Variants in PLCB1 observed in about 807,000 individuals in gnomAD.
PLCB1 encodes phospholipase C beta 1.
A neutral mutation model predicts 161.8 loss-of-function variants in PLCB1; 46 were observed. The ratio of observed to expected loss-of-function variants is 0.28; its 90% CI spans 0.22 to 0.36. The LOEUF is 0.36. PLCB1 is among the 10% of genes least tolerant of loss of function. The pLI is 1.00. For missense variants in PLCB1, 1,016 were observed against 1,472.5 expected, an observed-to-expected ratio of 0.69 and a Z score of 5.07; for synonymous variants, 517 against 503.7, an observed-to-expected ratio of 1.03 and a Z score of -0.35.
chr20:8,441,636 A>G (rs1980565034), intron 3 of PLCB1, among the ~76,000 whole-genome samples: 2 of 152,200 alleles, frequency 1.3e-5, no homozygotes, highest in African/African-American at 4.8e-5. Flanking sequence ...TTGCCTACCA[A>G]TTAACCAGGC....
rs942984778 is a variant in PLCB1, at chr20:8,883,772, G to T, written c.*1923G>T. 4 of 151,470 alleles carry T rather than the reference G, an allele frequency of 2.6e-5. No homozygotes were observed. The highest frequency in any genetic ancestry group is 4.4e-5 in the Non-Finnish European group (3 of 67,740). 9.4% of individuals were successfully genotyped at this position (151,470 alleles called of 1,614,324 possible). A position where few individuals can be genotyped will look rare whatever the true frequency, so the allele number is the denominator to read the frequency against. On this transcript the variant is annotated 3_prime_UTR_variant, in exon 32 of 32. Coordinates refer to ENST00000338037, the MANE Select transcript of PLCB1 (RefSeq NM_015192.4). ...AGATGATTATATTTTGATCTGAAGGGTTTGGGGTGTTCATTAGACACTTAA... is the reference window on the plus strand; with the variant it reads ...AGATGATTATATTTTGATCTGAAGGTTTTGGGGTGTTCATTAGACACTTAA...
intron 31 of PLCB1, among the ~76,000 whole-genome samples, chr20:8,850,183 A>C (rs1015716459): frequency 6.6e-6 from 1 of 152,184 alleles, no homozygotes; most frequent in African/African-American, 2.4e-5. Flanking sequence ...GCCACTGTGA[A>C]TATTAATGTC....
intron 9 of PLCB1, among the ~76,000 whole-genome samples, chr20:8,670,897 A>G (rs1392864844): frequency 2.0e-5 from 3 of 152,232 alleles, no homozygotes; most frequent in African/African-American, 7.2e-5. Flanking sequence ...AGCACCAGGA[A>G]AAAACGTGAG....
intron 2 of PLCB1, among the ~76,000 whole-genome samples, chr20:8,276,376 G>C (rs1036936215): frequency 6.6e-6 from 1 of 152,108 alleles, no homozygotes; most frequent in African/African-American, 2.4e-5. Context: ...TTTTTCTGCT[G>C]TATCCTTTGC....
intron 3 of PLCB1, among the ~76,000 whole-genome samples, chr20:8,426,000 T>C (rs1462724290): frequency 6.6e-6 from 1 of 152,214 alleles, no homozygotes; most frequent in East Asian, 1.9e-4. Context: ...CACCCCTCTT[T>C]CACTTTGAGC....
At chr20:8,411,235 T>C (rs1214599796) in intron 3 of PLCB1, among the ~76,000 whole-genome samples, 1 of 152,170 alleles carries the variant, frequency 6.6e-6, no homozygotes, top group African/African-American at 2.4e-5. Context: ...AGTCTTAGTA[T>C]GAAAAAAGGG....
intron 7 of PLCB1, chr20:8,651,587 C>A: frequency 1.4e-6 from 1 of 695,656 alleles, no homozygotes; most frequent in South Asian, 1.5e-5. Flanking sequence ...CTGTCCCCGA[C>A]TTCAACAAAT....
At chr20:8,793,722 A>C (rs900834065) in intron 31 of PLCB1, among the ~76,000 whole-genome samples, 3 of 152,210 alleles carry the variant, frequency 2.0e-5, no homozygotes, top group African/African-American at 7.2e-5. Context: ...CAAAATTAAA[A>C]TTGCTAATGA....
chr20:8,585,037 T>C (rs544065021), intron 3 of PLCB1, among the ~76,000 whole-genome samples: 1 of 152,272 alleles, frequency 6.6e-6, no homozygotes. Flanking sequence ...CATTAGTCTT[T>C]TACTGCTTAC....
intron 31 of PLCB1, among the ~76,000 whole-genome samples, chr20:8,823,245 C>T (rs1290985430): frequency 6.6e-6 from 1 of 152,206 alleles, no homozygotes; most frequent in Non-Finnish European, 1.5e-5. Flanking sequence ...GCCTCAGCCT[C>T]CCTGGTAGCT....
intron 3 of PLCB1, among the ~76,000 whole-genome samples, chr20:8,591,168 G>A (rs1031085361): frequency 1.2e-4 from 19 of 152,066 alleles, no homozygotes; most frequent in Non-Finnish European, 5.9e-5. Flanking sequence ...CCTTTTTATG[G>A]CTGCATAGTA....
At chr20:8,785,049 T>A (rs1028565956) in intron 27 of PLCB1, among the ~76,000 whole-genome samples, 2 of 152,116 alleles carry the variant, frequency 1.3e-5, no homozygotes, top group Non-Finnish European at 2.9e-5. Context: ...GGAGCAATAA[T>A]AAGATATTTA....
At chr20:8,558,129 A>G (rs1237650714) in intron 3 of PLCB1, among the ~76,000 whole-genome samples, 1 of 151,910 alleles carries the variant, frequency 6.6e-6, no homozygotes, top group Admixed American at 6.6e-5. Flanking sequence ...ATTATAGTCA[A>G]AAATAATTTA....
intron 3 of PLCB1, among the ~76,000 whole-genome samples, chr20:8,512,743 A>G (rs1983942755): frequency 6.6e-6 from 1 of 152,152 alleles, no homozygotes; most frequent in Admixed American, 6.5e-5. Context: ...TACATTGTGG[A>G]AGGAGTAAAT....
At chr20:8,468,904 A>G (rs977489509) in intron 3 of PLCB1, among the ~76,000 whole-genome samples, 4 of 152,172 alleles carry the variant, frequency 2.6e-5, no homozygotes, top group African/African-American at 9.7e-5. Context: ...GAAATATTAG[A>G]GAGAGTCATA....
intron 10 of PLCB1, among the ~76,000 whole-genome samples, chr20:8,689,022 G>T (rs1369418890): frequency 4.6e-5 from 7 of 151,508 alleles, no homozygotes; most frequent in African/African-American, 1.2e-4. Context: ...ATTTATTTCA[G>T]CAGTGTTTTG....
chr20:8,227,921 A>C (rs1979783786), intron 2 of PLCB1, among the ~76,000 whole-genome samples: 2 of 152,212 alleles, frequency 1.3e-5, no homozygotes, highest in Non-Finnish European at 2.9e-5. Flanking sequence ...CTAATGATAT[A>C]TGAAAATGAT....
chr20:8,687,875 G>A (rs142412615), intron 10 of PLCB1, among the ~76,000 whole-genome samples: 1 of 152,270 alleles, frequency 6.6e-6, no homozygotes, highest in East Asian at 1.9e-4. Flanking sequence ...TGGATCAAAT[G>A]GTAGTTCTAC....
intron 2 of PLCB1, among the ~76,000 whole-genome samples, chr20:8,161,518 TCTTAA>T (rs1175926154): frequency 6.6e-6 from 1 of 152,230 alleles, no homozygotes; most frequent in Non-Finnish European, 1.5e-5. Flanking sequence ...ATGTTCTGGC[TCTTAA>T]CTTTTTGCTG....
Sources: allele counts gnomAD v4.1 joint callset (sites outside exome capture counted in the v4.1 genomes callset), GRCh38; gene constraint gnomAD v4.1.1; transcripts MANE v1.5; gene names NCBI Gene and HGNC (gene_info 2026-07-23, HGNC 2026-07-21).